The following ERI1 variants were observed in gnomAD, a reference collection of about 807,000 sequenced individuals.
ERI1 encodes the protein 3'-5' exoribonuclease 1.
A neutral mutation model predicts 39.7 loss-of-function variants in ERI1; 39 were observed. The observed-to-expected ratio is 0.98, with a 90% CI of 0.76 to 1.28. The LOEUF (loss-of-function observed/expected upper bound fraction) is 1.28, where lower values mean the gene tolerates loss of function less well. Among genes scored for constraint, ERI1 ranks in the 50% most tolerant of loss-of-function variants. The pLI is 0.00. For synonymous variants in ERI1, 204 were observed against 149.6 expected, an observed-to-expected ratio of 1.36 and a Z score of -2.65; for missense variants, 581 against 416.9, an observed-to-expected ratio of 1.39 and a Z score of -3.43.
chr8:9,006,918 C>T (rs1158904870), intron 1 of ERI1, among the ~76,000 whole-genome samples: 2 of 152,164 alleles, frequency 1.3e-5, no homozygotes, highest in Admixed American at 6.5e-5. Context: ...GGGACTGTGG[C>T]CTCTCTGTGA....
rs1325660701 is a variant in ERI1 at position 9,031,573 on chromosome 8, C to T, written c.*1539C>T. ...CTGTACAATAACCTGTAAAGTATTACTGAATACTGAATAGCTGAAACTGCA... is the reference window on the plus strand; with the variant it reads ...CTGTACAATAACCTGTAAAGTATTATTGAATACTGAATAGCTGAAACTGCA... On this transcript the variant is annotated 3_prime_UTR_variant, in exon 7 of 7. Coordinates refer to ENST00000250263, the MANE Select transcript of ERI1 (RefSeq NM_153332.4). The T allele has an allele frequency of 6.6e-6, 1 of 152,156 alleles. No individual in the cohort carries two copies. Among genetic ancestry groups the T allele is most frequent in the Non-Finnish European group, 1.5e-5 (1 of 68,036 alleles). The allele number at this position is 152,156 out of a possible 1,614,324, so 9.4% of individuals were successfully genotyped here. A position where few individuals can be genotyped will look rare whatever the true frequency, so the allele number is the denominator to read the frequency against.
At position 9,033,255 on chromosome 8, in the gene ERI1, C is replaced by G. The variant is rs1006561679; in HGVS notation, c.*3221C>G. On this transcript the variant is annotated 3_prime_UTR_variant, in exon 7 of 7. Transcript: ENST00000250263. ...CTACAAACTATGGTTTTTATATTCC[C>G]TTTTGTTAATGGCTCAAAATAATAT... The G allele has an allele frequency of 2.6e-5, 4 of 152,134 alleles. No individual in the cohort carries two copies. Among genetic ancestry groups the G allele is most frequent in the East Asian group, 3.9e-4 (2 of 5,192 alleles). 9.4% of individuals were successfully genotyped at this position (152,134 alleles called of 1,614,324 possible). A position where few individuals can be genotyped will look rare whatever the true frequency, so the allele number is the denominator to read the frequency against.
chr8:9,006,960 C>G (rs1042366808), intron 1 of ERI1, among the ~76,000 whole-genome samples: 3 of 152,112 alleles, frequency 2.0e-5, no homozygotes, highest in African/African-American at 7.2e-5. Context: ...TTACAGTTTA[C>G]GTGAGGACAA....
rs1256358140 is a variant in ERI1, at chr8:9,087,004, C to T, written n.300-29344C>T. Among the ~76,000 whole-genome samples the T allele has an allele frequency of 2.0e-5, 3 of 151,900 alleles. No homozygotes were observed. The East Asian group carries it at 5.8e-4, about 29-fold the overall frequency. On this transcript the variant is annotated intron_variant and non_coding_transcript_variant, in intron 3 of 3. Transcript: ENST00000518663. ...GTAGGATTCTGAGTAACTTTGACCT[C>T]CTTCTCACCTTCTCATCTTATTTTT... is the stretch of plus-strand genomic sequence containing the variant.
chr8:9,032,374 G>A lies in ERI1; in HGVS notation c.*2340G>A, dbSNP rs1797648482. On this transcript the variant is annotated 3_prime_UTR_variant, in exon 7 of 7. Transcript: ENST00000250263. The stretch of plus-strand genomic sequence containing the variant: ...TCTGACATTGACATAGTGGATTTCT[G>A]CTGATTTTTTTCAAATCCGCAATCT... 2 of 151,990 alleles carry A rather than the reference G, an allele frequency of 1.3e-5. No homozygotes were observed. The highest frequency in any genetic ancestry group is 2.4e-5 in the African/African-American group (1 of 41,358). 9.4% of individuals were successfully genotyped at this position (151,990 alleles called of 1,614,324 possible).
chr8:9,017,250 C>G (rs1280025986), intron 4 of ERI1, among the ~76,000 whole-genome samples: 4 of 151,954 alleles, frequency 2.6e-5, no homozygotes, highest in African/African-American at 7.3e-5. Flanking sequence ...CTGTGTTGGC[C>G]AAGGTGGTCT....
chr8:9,017,876 T>G (rs1817472443), intron 4 of ERI1, among the ~76,000 whole-genome samples: 1 of 152,138 alleles, frequency 6.6e-6, no homozygotes, highest in South Asian at 2.1e-4. Context: ...GATTTACGTT[T>G]TAGGAAGATC....
intron 3 of ERI1, among the ~76,000 whole-genome samples, chr8:9,079,660 C>T (rs1212762014): frequency 2.0e-5 from 3 of 152,076 alleles, no homozygotes; most frequent in African/African-American, 4.8e-5. Flanking sequence ...GAATTCCATT[C>T]GATCTTTGTT....
At chr8:9,068,085 A>G (rs1455451839) in intron 3 of ERI1, among the ~76,000 whole-genome samples, 4 of 152,240 alleles carry the variant, frequency 2.6e-5, no homozygotes, top group African/African-American at 9.7e-5. Flanking sequence ...CAGAGAACAT[A>G]TATTTTCAGA....
At chr8:9,076,303 C>T (rs954737714) in intron 3 of ERI1, among the ~76,000 whole-genome samples, 4 of 152,108 alleles carry the variant, frequency 2.6e-5, no homozygotes, top group Admixed American at 2.6e-4. Flanking sequence ...AGTTTTGTCC[C>T]CTAAAACTAC....
intron 3 of ERI1, among the ~76,000 whole-genome samples, chr8:9,061,764 G>A (rs1408583679): frequency 1.3e-5 from 2 of 151,856 alleles, no homozygotes; most frequent in Non-Finnish European, 2.9e-5. Flanking sequence ...AGATGAGGAA[G>A]ACATTTGGGC....
chr8:9,096,521 G>A (rs1322871322), intron 3 of ERI1, among the ~76,000 whole-genome samples: 1 of 152,060 alleles, frequency 6.6e-6, no homozygotes, highest in Non-Finnish European at 1.5e-5. Context: ...GTCACTGCTG[G>A]ACTGTGAAAG....
chr8:9,009,463 T>C (rs1235331261), intron 2 of ERI1, among the ~76,000 whole-genome samples: 1 of 152,254 alleles, frequency 6.6e-6, no homozygotes, highest in Non-Finnish European at 1.5e-5. Context: ...GTATGGTTTC[T>C]GCAACATGAT....
chr8:9,030,205 A>T lies in ERI1; in HGVS notation c.*171A>T, dbSNP rs1047707968. The T allele has an allele frequency of 3.7e-5, 32 of 859,038 alleles. No homozygotes were observed. Among genetic ancestry groups the T allele is most frequent in the Non-Finnish European group, 5.4e-5 (31 of 576,354 alleles). The allele number at this position is 859,038 out of a possible 1,614,324, so 53.2% of individuals were successfully genotyped here. On this transcript the variant is annotated 3_prime_UTR_variant, in exon 7 of 7. Coordinates refer to ENST00000250263, the MANE Select transcript of ERI1 (RefSeq NM_153332.4). ...ATGTGAACAGATTTTGTAGGAAGGC[A>T]TACTGAATTCTTTGTCACCAGCACT...
intron 3 of ERI1, among the ~76,000 whole-genome samples, chr8:9,042,259 C>A (rs1228252544): frequency 1.3e-5 from 2 of 152,106 alleles, no homozygotes; most frequent in Non-Finnish European, 2.9e-5. Context: ...TGTCCTTGGT[C>A]CTCCCTTTGC....
At position 9,031,363 on chromosome 8, in the gene ERI1, A is replaced by G. The variant is rs990275456; in HGVS notation, c.*1329A>G. The G allele has an allele frequency of 6.6e-6, 1 of 152,372 alleles. No homozygotes were observed. Among genetic ancestry groups the G allele is most frequent in the Admixed American group, 6.5e-5 (1 of 15,306 alleles). 9.4% of individuals were successfully genotyped at this position (152,372 alleles called of 1,614,324 possible). On this transcript the variant is annotated 3_prime_UTR_variant, in exon 7 of 7. Transcript: ENST00000250263. ...CAATGAATTTCTGCTTTTCAGCAGT[A>G]GTCATATAATCAGTATCATAAAGAA...
At chr8:9,076,751 G>C (rs567863683) in intron 3 of ERI1, among the ~76,000 whole-genome samples, 1 of 152,244 alleles carries the variant, frequency 6.6e-6, no homozygotes, top group South Asian at 2.1e-4. Context: ...AACAAGAAGA[G>C]AAATCTGAAT....
intron 5 of ERI1, among the ~76,000 whole-genome samples, chr8:9,019,887 G>T (rs549351033): frequency 2.6e-5 from 4 of 152,090 alleles, no homozygotes; most frequent in Non-Finnish European, 5.9e-5. Flanking sequence ...AATCAGTATT[G>T]TCCTTAACTA....
At chr8:9,074,501 G>T (rs1799147151) in intron 3 of ERI1, among the ~76,000 whole-genome samples, 1 of 152,136 alleles carries the variant, frequency 6.6e-6, no homozygotes, top group Non-Finnish European at 1.5e-5. Context: ...GAGTGCAGTG[G>T]CAAGAACATG....
Sources: allele counts gnomAD v4.1 joint callset (sites outside exome capture counted in the v4.1 genomes callset), GRCh38; gene constraint gnomAD v4.1.1; transcripts MANE v1.5; gene names NCBI Gene and HGNC (gene_info 2026-07-23, HGNC 2026-07-21).